TNR: variants seen among roughly 807,000 people sequenced by gnomAD.
TNR encodes tenascin R.
A neutral mutation model predicts 150.4 loss-of-function variants in TNR; 45 were observed. The observed-to-expected ratio is 0.30, with a 90% CI of 0.24 to 0.38. The LOEUF (loss-of-function observed/expected upper bound fraction) is 0.38, where lower values mean the gene tolerates loss of function less well. Among genes scored for constraint, TNR ranks in the 10% least tolerant of loss-of-function variants. The pLI, the probability that TNR is intolerant of heterozygous loss-of-function variation, is 1.00. For synonymous variants in TNR, 687 were observed against 678.4 expected (o/e 1.01, Z -0.20); for missense variants, 1,544 against 1,759.1 (o/e 0.88, Z 2.19).
chr1:175,740,639 G>T lies in TNR; in HGVS notation c.-165+2587C>A, dbSNP rs368035333. Among the ~76,000 whole-genome samples, 7 of 152,220 alleles carry T rather than the reference G, an allele frequency of 4.6e-5. No individual in the cohort carries two copies. In the South Asian group the frequency reaches 8.3e-4, roughly 18 times the overall value. Reference sequence around the variant, plus strand: ...AACTTAGTGGCTTTGTCTCCAGATTGCTGGCCAGATATGATGGCCAGGAAT... The same window carrying T: ...AACTTAGTGGCTTTGTCTCCAGATTTCTGGCCAGATATGATGGCCAGGAAT... On this transcript the variant is annotated intron_variant, in intron 1 of 22. Transcript: ENST00000367674.
At chr1:175,687,456 T>C (rs1378074305) in intron 1 of TNR, among the ~76,000 whole-genome samples, 1 of 152,128 alleles carries the variant, frequency 6.6e-6, no homozygotes, top group Non-Finnish European at 1.5e-5. Flanking sequence ...TTACACCCAC[T>C]GAAAGGAAGC....
At chr1:175,343,549 ACT>A (rs1650628775) in intron 18 of TNR, among the ~76,000 whole-genome samples, 1 of 152,112 alleles carries the variant, frequency 6.6e-6, no homozygotes, top group Non-Finnish European at 1.5e-5. Flanking sequence ...CTATTCCATT[ACT>A]CTGTTTATTT....
rs1464651208 is a variant in TNR at position 175,529,665 on chromosome 1, T to TAGCTGCCCACAGATTGC, written c.-164-1313_-164-1297dup. Among the ~76,000 whole-genome samples, 3 of 152,358 alleles carry TAGCTGCCCACAGATTGC rather than the reference T, an allele frequency of 2.0e-5. No individual in the cohort carries two copies. In the South Asian group the frequency reaches 6.2e-4, roughly 32 times the overall value. On this transcript the variant is annotated intron_variant, in intron 1 of 22. Coordinates refer to ENST00000367674, the MANE Select transcript of TNR (RefSeq NM_003285.3). ...TCTTTGGACAGTGTAATTTAGATGG[T>TAGCTGCCCACAGATTGC]AGCTGCCCACAGATTGCAGCCTATT...
chr1:175,665,441 G>A (rs559444774), intron 1 of TNR, among the ~76,000 whole-genome samples: 114 of 152,276 alleles, frequency 7.5e-4, no homozygotes, highest in African/African-American at 2.6e-3. Context: ...AAGAGGAGGA[G>A]GAAGCTGGCA....
At chr1:175,521,322 T>TA (rs1371473806) in intron 2 of TNR, among the ~76,000 whole-genome samples, 5 of 152,218 alleles carry the variant, frequency 3.3e-5, no homozygotes, top group Non-Finnish European at 1.5e-5. Flanking sequence ...ACCCAATTGT[T>TA]AGTCATACGA....
intron 1 of TNR, among the ~76,000 whole-genome samples, chr1:175,629,337 T>G (rs559529199): frequency 6.6e-6 from 1 of 152,308 alleles, no homozygotes; most frequent in Admixed American, 6.5e-5. Context: ...GCCAGGATCA[T>G]AGCCTCATAC....
chr1:175,428,753 C>G (rs1655128211), intron 2 of TNR, among the ~76,000 whole-genome samples: 1 of 152,120 alleles, frequency 6.6e-6, no homozygotes. Flanking sequence ...CTTTTTTCCC[C>G]CTGTGCTGCA....
At chr1:175,443,603 A>T (rs529428880) in intron 2 of TNR, among the ~76,000 whole-genome samples, 33 of 152,160 alleles carry the variant, frequency 2.2e-4, no homozygotes, top group Non-Finnish European at 4.0e-4. Flanking sequence ...AGAGGGTGAG[A>T]CAGCCCCAGT....
chr1:175,739,502 A>ACACACACACACGCACG (rs1233420690), intron 1 of TNR, among the ~76,000 whole-genome samples: 19 of 152,152 alleles, frequency 1.2e-4, no homozygotes, highest in African/African-American at 3.9e-4. Context: ...ACACATGCAC[A>ACACACACACACGCACG]CACACACACA....
chr1:175,730,598 G>A (rs1390404654), intron 1 of TNR, among the ~76,000 whole-genome samples: 1 of 152,206 alleles, frequency 6.6e-6, no homozygotes, highest in Non-Finnish European at 1.5e-5. Context: ...AATATTTACT[G>A]AATGCCAACA....
At position 175,426,934 on chromosome 1, in the gene TNR, A is replaced by T. The variant is rs1270714004; in HGVS notation, c.-63-20157T>A. Reference sequence around the variant, plus strand: ...TATATATAAAATATAAATATATATAAAATATATTATATATATATTATATAT... The same window carrying T: ...TATATATAAAATATAAATATATATATAATATATTATATATATATTATATAT... On this transcript the variant is annotated intron_variant, in intron 2 of 22. Coordinates refer to ENST00000367674, the MANE Select transcript of TNR (RefSeq NM_003285.3). 6.7e-5 allele frequency among the ~76,000 whole-genome samples: 6 copies of T among 89,862 alleles called. 1 individual carries two copies. Among genetic ancestry groups the T allele is most frequent in the South Asian group, 6.3e-4 (2 of 3,188 alleles). 59.0% of individuals were successfully genotyped at this position (89,862 alleles called of 152,430 possible). A position where few individuals can be genotyped will look rare whatever the true frequency, so the allele number is the denominator to read the frequency against.
chr1:175,558,351 C>T (rs964100214), intron 1 of TNR, among the ~76,000 whole-genome samples: 1 of 152,068 alleles, frequency 6.6e-6, no homozygotes. Context: ...CTATGCCACA[C>T]TTATTCTGTG....
chr1:175,605,279 A>G (rs943363878), intron 1 of TNR, among the ~76,000 whole-genome samples: 12 of 152,078 alleles, frequency 7.9e-5, no homozygotes, highest in African/African-American at 1.9e-4. Context: ...AAAAATTTCA[A>G]TTTTCTTATC....
At chr1:175,719,981 G>T (rs1571787540) in intron 1 of TNR, among the ~76,000 whole-genome samples, 1 of 152,200 alleles carries the variant, frequency 6.6e-6, no homozygotes, top group East Asian at 1.9e-4. Flanking sequence ...GCCTTCCCGG[G>T]ACAGCCCTGC....
At chr1:175,483,646 G>A (rs1657894039) in intron 2 of TNR, among the ~76,000 whole-genome samples, 2 of 152,324 alleles carry the variant, frequency 1.3e-5, no homozygotes, top group South Asian at 2.1e-4. Context: ...GATGGGAAAC[G>A]AGGCTGCTAT....
intron 2 of TNR, among the ~76,000 whole-genome samples, chr1:175,453,622 G>A (rs185895130): frequency 5.3e-5 from 8 of 152,176 alleles, no homozygotes; most frequent in East Asian, 1.9e-4. Context: ...GTGCTGTGGC[G>A]TGATTATAGC....
At chr1:175,731,661 C>G (rs1042489744) in intron 1 of TNR, among the ~76,000 whole-genome samples, 100 of 152,272 alleles carry the variant, frequency 6.6e-4, no homozygotes, top group African/African-American at 2.3e-3. Flanking sequence ...AGCCAAGATT[C>G]TGGTTCAAGT....
At chr1:175,437,731 T>C (rs1571438528) in intron 2 of TNR, among the ~76,000 whole-genome samples, 1 of 151,996 alleles carries the variant, frequency 6.6e-6, no homozygotes, top group Non-Finnish European at 1.5e-5. Context: ...AAACTACCAT[T>C]AGAGAATACT....
At chr1:175,378,430 T>A (rs1398610781) in intron 9 of TNR, among the ~76,000 whole-genome samples, 1 of 152,168 alleles carries the variant, frequency 6.6e-6, no homozygotes, top group Non-Finnish European at 1.5e-5. Context: ...GACAGTCAAA[T>A]AGTCATGCCA....
Sources: gnomAD v4.1 joint callset for allele counts (sites outside exome capture counted in the v4.1 genomes callset) on GRCh38, gnomAD v4.1.1 for gene constraint, MANE v1.5 for transcripts, NCBI Gene and HGNC (gene_info 2026-07-23, HGNC 2026-07-21) for gene names.